Variants in APBA1 observed in about 807,000 individuals in gnomAD.
The protein encoded by APBA1 is amyloid-beta A4 precursor protein-binding family A member 1.
A neutral mutation model predicts 86.6 loss-of-function variants in APBA1; 55 were observed. The observed-to-expected ratio is 0.64, with a 90% CI of 0.51 to 0.80. APBA1 has a LOEUF of 0.80. APBA1 is among the 30% of genes least tolerant of loss of function. The probability of loss-of-function intolerance (pLI) is 0.00; values close to 1 mark genes in which losing one functional copy is unlikely to be tolerated. For synonymous variants in APBA1, 511 were observed against 493.9 expected, an observed-to-expected ratio of 1.03 and a Z score of -0.46; for missense variants, 1,090 against 1,183.0, an observed-to-expected ratio of 0.92 and a Z score of 1.15.
At chr9:69,588,678 T>C (rs539310200) in intron 1 of APBA1, among the ~76,000 whole-genome samples, 1 of 152,316 alleles carries the variant, frequency 6.6e-6, no homozygotes, top group East Asian at 1.9e-4. Flanking sequence ...GCTTAGTTCC[T>C]CTGCACCACA....
chr9:69,484,805 G>T (rs1835580037), intron 2 of APBA1, among the ~76,000 whole-genome samples: 1 of 151,984 alleles, frequency 6.6e-6, no homozygotes, highest in African/African-American at 2.4e-5. Context: ...CTGAATAAAT[G>T]GCTTCAGTTT....
At chr9:69,475,996 T>C (rs1835438296) in intron 3 of APBA1, 52 bp downstream of exon 3, 2 of 1,445,184 alleles carry the variant, frequency 1.4e-6, no homozygotes, top group African/African-American at 1.4e-5. Context: ...CAGAACAGTA[T>C]TAGAGTAAAG....
intron 1 of APBA1, among the ~76,000 whole-genome samples, chr9:69,562,281 C>A (rs1836958149): frequency 2.0e-5 from 3 of 151,872 alleles, no homozygotes; most frequent in Non-Finnish European, 4.4e-5. Context: ...TACAGTAAGG[C>A]CAAATCAAAC....
At chr9:69,658,370 G>A (rs13301665) in intron 1 of APBA1, among the ~76,000 whole-genome samples, 1 of 121,876 alleles carries the variant, frequency 8.2e-6, no homozygotes, top group Non-Finnish European at 1.8e-5. Flanking sequence ...GTGTTTCTCT[G>A]TCTCTCTTTC....
At chr9:69,483,825 G>C (rs943825602) in intron 2 of APBA1, among the ~76,000 whole-genome samples, 1 of 152,066 alleles carries the variant, frequency 6.6e-6, no homozygotes, top group African/African-American at 2.4e-5. Context: ...AAGAACCCCA[G>C]ACCCCACAGC....
At chr9:69,623,717 A>G (rs1376770909) in intron 1 of APBA1, among the ~76,000 whole-genome samples, 2 of 152,204 alleles carry the variant, frequency 1.3e-5, no homozygotes, top group Non-Finnish European at 2.9e-5. Context: ...GGAGTCCAGG[A>G]ACCCACATTC....
intron 1 of APBA1, among the ~76,000 whole-genome samples, chr9:69,576,152 A>T (rs1821792388): frequency 6.6e-6 from 1 of 152,224 alleles, no homozygotes; most frequent in Non-Finnish European, 1.5e-5. Context: ...TCAAAACCAC[A>T]ATGAGATACC....
chr9:69,654,467 C>A (rs1194040701), intron 1 of APBA1, among the ~76,000 whole-genome samples: 1 of 151,912 alleles, frequency 6.6e-6, no homozygotes, highest in Admixed American at 6.6e-5. Context: ...GGTGACAGAG[C>A]AAGACCCTGT....
intron 1 of APBA1, among the ~76,000 whole-genome samples, chr9:69,664,724 T>C (rs936231549): frequency 6.6e-5 from 10 of 152,206 alleles, no homozygotes; most frequent in Non-Finnish European, 1.3e-4. Flanking sequence ...TAAAGTCTTT[T>C]TATAAACGCT....
intron 1 of APBA1, among the ~76,000 whole-genome samples, chr9:69,543,512 C>T (rs987531607): frequency 2.6e-5 from 4 of 152,210 alleles, no homozygotes; most frequent in African/African-American, 9.6e-5. Flanking sequence ...CTCAGTTGTG[C>T]TGACATACCA....
chr9:69,585,889 C>A (rs948978305), intron 1 of APBA1, among the ~76,000 whole-genome samples: 3 of 152,116 alleles, frequency 2.0e-5, no homozygotes, highest in African/African-American at 7.2e-5. Context: ...CCAAATCCAG[C>A]CTCTCATATG....
At chr9:69,594,303 C>T (rs1225284462) in intron 1 of APBA1, among the ~76,000 whole-genome samples, 1 of 152,148 alleles carries the variant, frequency 6.6e-6, no homozygotes, top group Admixed American at 6.6e-5. Flanking sequence ...CAAGAGTCTG[C>T]CAAGTGTCGC....
intron 1 of APBA1, among the ~76,000 whole-genome samples, chr9:69,557,620 G>A (rs552691116): frequency 6.6e-6 from 1 of 152,134 alleles, no homozygotes; most frequent in Non-Finnish European, 1.5e-5. Flanking sequence ...TGAGAGAGTG[G>A]GCAACAAGAT....
chr9:69,589,823 T>G (rs1488898038), intron 1 of APBA1, among the ~76,000 whole-genome samples: 2 of 152,162 alleles, frequency 1.3e-5, no homozygotes, highest in Non-Finnish European at 2.9e-5. Context: ...CATCTTCTAC[T>G]TGATGAAATA....
At chr9:69,578,192 G>A (rs927574647) in intron 1 of APBA1, among the ~76,000 whole-genome samples, 1 of 152,246 alleles carries the variant, frequency 6.6e-6, no homozygotes, top group African/African-American at 2.4e-5. Flanking sequence ...AACACAGCAT[G>A]AGAAGCAGAC....
chr9:69,644,470 A>C (rs1408302685), intron 1 of APBA1, among the ~76,000 whole-genome samples: 1 of 152,128 alleles, frequency 6.6e-6, no homozygotes, highest in Non-Finnish European at 1.5e-5. Flanking sequence ...TCAATAAGTG[A>C]TTTAATTAAA....
chr9:69,621,692 T>C (rs1822820738), intron 1 of APBA1, among the ~76,000 whole-genome samples: 1 of 9,346 alleles, frequency 1.1e-4, no homozygotes, highest in Non-Finnish European at 7.3e-4. Flanking sequence ...ATATATCAAG[T>C]ACTTATTAAT....
intron 1 of APBA1, among the ~76,000 whole-genome samples, chr9:69,575,588 C>G (rs1408497438): frequency 6.6e-6 from 1 of 152,010 alleles, no homozygotes; most frequent in Admixed American, 6.6e-5. Context: ...ACAAACCTGA[C>G]AAAAACAAGA....
At chr9:69,477,252 C>A (rs1015168216) in intron 2 of APBA1, among the ~76,000 whole-genome samples, 49 of 151,554 alleles carry the variant, frequency 3.2e-4, no homozygotes, top group Non-Finnish European at 6.2e-4. Flanking sequence ...GGGCGCAGGT[C>A]AGTGGGTGCG....
Sources: allele counts gnomAD v4.1 joint callset (sites outside exome capture counted in the v4.1 genomes callset), GRCh38; gene constraint gnomAD v4.1.1; transcripts MANE v1.5; gene names NCBI Gene and HGNC (gene_info 2026-07-23, HGNC 2026-07-21).